CPAMD8: variants seen among roughly 807,000 people sequenced by gnomAD.
The protein encoded by CPAMD8 is C3 and PZP-like alpha-2-macroglobulin domain-containing protein 8.
CPAMD8 carries 146 observed loss-of-function variants against 224.7 expected under a neutral mutation model. The observed-to-expected ratio is 0.65, with a 90% CI of 0.57 to 0.75. CPAMD8 has a LOEUF of 0.75. CPAMD8 is among the 30% of genes least tolerant of loss of function. The probability of loss-of-function intolerance (pLI) is 0.00; values close to 1 mark genes in which losing one functional copy is unlikely to be tolerated. For synonymous variants in CPAMD8, 966 were observed against 1,044.6 expected, an observed-to-expected ratio of 0.92 and a Z score of 1.45; for missense variants, 2,301 against 2,537.5, an observed-to-expected ratio of 0.91 and a Z score of 2.00.
At chr19:16,982,684 A>T (rs1218015453) in intron 13 of CPAMD8, among the ~76,000 whole-genome samples, 4 of 152,136 alleles carry the variant, frequency 2.6e-5, no homozygotes, top group African/African-American at 9.6e-5. Flanking sequence ...AAAATAATAA[A>T]AAAAATAGCT....
At chr19:17,000,255 A>G (rs1216802881) in intron 10 of CPAMD8, 159 bp downstream of exon 10, 5 of 534,702 alleles carry the variant, frequency 9.4e-6, no homozygotes, top group African/African-American at 1.9e-5. Flanking sequence ...GGAGTTCAAG[A>G]CAAGCCTGGG....
chr19:16,940,132 G>A (rs925698471), intron 22 of CPAMD8, among the ~76,000 whole-genome samples: 3 of 151,792 alleles, frequency 2.0e-5, no homozygotes, highest in African/African-American at 7.3e-5. Flanking sequence ...GGCTAGTCTC[G>A]AACTCCTGAC....
Position 17,026,583 on chromosome 19 carries a change from C to G in CPAMD8, c.60G>C (p.Arg20=). The G allele has an allele frequency of 5.2e-6, 8 of 1,528,586 alleles. No homozygotes were observed. Among genetic ancestry groups the G allele is most frequent in the Non-Finnish European group, 7.0e-6 (8 of 1,147,094 alleles). 94.7% of individuals were successfully genotyped at this position (1,528,586 alleles called of 1,614,324 possible). A position where few individuals can be genotyped will look rare whatever the true frequency, so the allele number is the denominator to read the frequency against. ...GAGGCTGCGCGGCGCGCACGCCGTC[C>G]CGCGCCGACAGCAGCAGGAGCAGGA... ...LPLLLLLLSA[R]DGVRAAQPQA... The change falls in exon 1 of 42, where the codon CGG becomes CGC. Residue 20 remains arginine, a synonymous_variant. Coordinates refer to ENST00000443236, the MANE Select transcript of CPAMD8 (RefSeq NM_015692.5).
intron 12 of CPAMD8, among the ~76,000 whole-genome samples, chr19:16,992,956 C>G (rs2122929449): frequency 6.6e-6 from 1 of 152,074 alleles, no homozygotes; most frequent in East Asian, 1.9e-4. Context: ...AATCAGATCA[C>G]TCTTTCGCCT....
chr19:16,938,492 G>A (rs1215214872), intron 22 of CPAMD8, 46 bp from the exon 23 acceptor site: 1 of 1,163,062 alleles, frequency 8.6e-7, no homozygotes, highest in Non-Finnish European at 1.3e-6. Context: ...GCGGTGAGGG[G>A]GATGGTCAGC....
chr19:17,003,328 G>C (rs374758686), intron 8 of CPAMD8, among the ~76,000 whole-genome samples: 1 of 151,882 alleles, frequency 6.6e-6, no homozygotes, highest in African/African-American at 2.4e-5. Context: ...AGCTTCCCGA[G>C]TAGCGGGGAC....
Position 17,017,386 on chromosome 19 carries a change from T to C in CPAMD8, c.267+2945A>G, listed in dbSNP as rs550345378. 2.0e-5 allele frequency among the ~76,000 whole-genome samples: 3 copies of C among 152,348 alleles called. No individual in the cohort carries two copies. The East Asian group carries it at 5.8e-4, about 29-fold the overall frequency. On this transcript the variant is annotated intron_variant, in intron 3 of 41. Coordinates refer to ENST00000443236, the MANE Select transcript of CPAMD8 (RefSeq NM_015692.5). ...TAAATGGAATGCCCTTGAATCATCC[T>C]GAAACCATTTCTTCTGCTCCCTGGT...
intron 26 of CPAMD8, among the ~76,000 whole-genome samples, chr19:16,923,703 C>T (rs2053256058): frequency 6.6e-6 from 1 of 152,196 alleles, no homozygotes; most frequent in African/African-American, 2.4e-5. Flanking sequence ...GTGGCTTGCA[C>T]CTGGAATCCC....
At chr19:16,920,934 G>A (rs989587984) in intron 27 of CPAMD8, among the ~76,000 whole-genome samples, 2 of 151,622 alleles carry the variant, frequency 1.3e-5, no homozygotes, top group African/African-American at 4.9e-5. Context: ...CCTAGGGGCT[G>A]CTGGGGCTCA....
intron 6 of CPAMD8, 144 bp from the exon 7 acceptor site, chr19:17,008,703 CAA>C (rs758747115): frequency 2.3e-6 from 2 of 884,082 alleles, no homozygotes; most frequent in Non-Finnish European, 1.8e-6. Flanking sequence ...AACCCCGGGG[CAA>C]AAAAAAAGCT....
At chr19:16,964,166 A>G (rs990190059) in intron 18 of CPAMD8, among the ~76,000 whole-genome samples, 14 of 152,208 alleles carry the variant, frequency 9.2e-5, no homozygotes, top group African/African-American at 3.1e-4. Context: ...AAAAGCTAGC[A>G]GAAGGCAAGA....
chr19:17,013,660 G>A (rs1413553824), intron 3 of CPAMD8, among the ~76,000 whole-genome samples: 1 of 151,834 alleles, frequency 6.6e-6, no homozygotes, highest in African/African-American at 2.4e-5. Flanking sequence ...AGGGAGTGGG[G>A]AGTGACTACT....
intron 29 of CPAMD8, among the ~76,000 whole-genome samples, chr19:16,908,745 C>T (rs1301813840): frequency 6.6e-6 from 1 of 152,200 alleles, no homozygotes; most frequent in Non-Finnish European, 1.5e-5. Context: ...TGGGAACTGT[C>T]CCTAAGGTGT....
At chr19:16,902,967 A>T (rs1285438894) in intron 34 of CPAMD8, 104 bp from the exon 35 acceptor site, 1 of 660,098 alleles carries the variant, frequency 1.5e-6, no homozygotes, top group African/African-American at 1.8e-5. Context: ...AGCCAGAATT[A>T]TGAGGACAAT....
At chr19:16,920,990 TG>T (rs2053153080) in intron 27 of CPAMD8, among the ~76,000 whole-genome samples, 1 of 149,276 alleles carries the variant, frequency 6.7e-6, no homozygotes, top group Non-Finnish European at 1.5e-5. Flanking sequence ...GTCCCTGGGG[TG>T]GGCGGGGCCT....
intron 11 of CPAMD8, among the ~76,000 whole-genome samples, chr19:16,996,817 TAAA>T (rs11332531): frequency 2.3e-4 from 25 of 108,326 alleles, no homozygotes; most frequent in Admixed American, 3.8e-4. Context: ...TGACTATCTC[TAAA>T]AAAAAAAAAA....
intron 13 of CPAMD8, among the ~76,000 whole-genome samples, chr19:16,982,812 C>A (rs953844458): frequency 6.6e-6 from 1 of 152,158 alleles, no homozygotes; most frequent in African/African-American, 2.4e-5. Context: ...ACCCTCCAGC[C>A]TCGGGTGCTA....
At chr19:16,999,334 A>C (rs889799022) in intron 10 of CPAMD8, among the ~76,000 whole-genome samples, 1 of 152,044 alleles carries the variant, frequency 6.6e-6, no homozygotes, top group African/African-American at 2.4e-5. Flanking sequence ...TAATCCCAGC[A>C]CTTTGGGAGG....
intron 23 of CPAMD8, among the ~76,000 whole-genome samples, chr19:16,936,961 G>A (rs112142704): frequency 0.028 from 4,322 of 152,140 alleles, 89 homozygotes; most frequent in South Asian, 0.063. Flanking sequence ...CTAGGTGGCA[G>A]ATCTTTTTTT....
Sources: allele counts gnomAD v4.1 joint callset (sites outside exome capture counted in the v4.1 genomes callset), GRCh38; gene constraint gnomAD v4.1.1; transcripts MANE v1.5; gene names NCBI Gene and HGNC (gene_info 2026-07-23, HGNC 2026-07-21).